Variants in ACCSL observed in about 807,000 individuals in gnomAD.
ACCSL encodes the protein probable inactive 1-aminocyclopropane-1-carboxylate synthase-like protein 2.
A neutral mutation model predicts 61.7 loss-of-function variants in ACCSL; 55 were observed. That is an observed-to-expected ratio of 0.89 (90% CI 0.72 to 1.12). ACCSL has a LOEUF of 1.12. ACCSL is among the 50% of genes most tolerant of loss of function. ACCSL has a pLI of 0.00. For synonymous variants in ACCSL, 258 were observed against 264.3 expected, an observed-to-expected ratio of 0.98 and a Z score of 0.23; for missense variants, 632 against 698.0, an observed-to-expected ratio of 0.91 and a Z score of 1.07.
chr11:43,969,906 CATCAGATCT>C, the ACCSL span, among the ~76,000 whole-genome samples: 1 of 152,130 alleles, frequency 6.6e-6, no homozygotes, highest in Non-Finnish European at 1.5e-5. Context: ...TCCAATTCTC[CATCAGATCT>C]CTCTCCCCTA....
chr11:44,044,186 A>G (rs2134759724), upstream of ACCSL, among the ~76,000 whole-genome samples: 1 of 152,274 alleles, frequency 6.6e-6, no homozygotes, highest in South Asian at 2.1e-4. Context: ...GTATTATGTG[A>G]CATGAAGCCA....
intron 9 of ACCSL, among the ~76,000 whole-genome samples, chr11:44,055,497 C>G (rs1322713106): frequency 6.6e-6 from 1 of 152,158 alleles, no homozygotes; most frequent in Non-Finnish European, 1.5e-5. Context: ...AATTTGAGGT[C>G]AAGGTAGAAA....
intron 1 of ACCSL, among the ~76,000 whole-genome samples, chr11:44,049,380 A>C (rs1345409091): frequency 7.3e-6 from 1 of 137,248 alleles, no homozygotes; most frequent in Non-Finnish European, 1.5e-5. Context: ...AGATCGCGCC[A>C]CTGCACTCCA....
intron 2 of ACCSL, 45 bp from the exon 3 acceptor site, chr11:44,050,507 T>C: frequency 6.3e-7 from 1 of 1,587,748 alleles, no homozygotes. Context: ...TGAGGCCTCT[T>C]GAACTTCCCT....
the ACCSL span, among the ~76,000 whole-genome samples, chr11:43,988,369 C>T: frequency 2.0e-4 from 30 of 152,136 alleles, no homozygotes; most frequent in Non-Finnish European, 3.4e-4. Context: ...GATCAATAGG[C>T]GTTTTATTAC....
At chr11:44,037,871 G>GCATCCATC in the ACCSL span, among the ~76,000 whole-genome samples, 2,465 of 149,384 alleles carry the variant, frequency 0.017, 28 homozygotes, top group Middle Eastern at 0.059. Flanking sequence ...ATCCATCCAT[G>GCATCCATC]CATCCATCCA....
upstream of ACCSL, among the ~76,000 whole-genome samples, chr11:44,047,414 G>A (rs2134762264): frequency 6.6e-6 from 1 of 152,370 alleles, no homozygotes; most frequent in African/African-American, 2.4e-5. Flanking sequence ...TAAAGGGCCA[G>A]ACAGTTAATA....
In ACCSL at chr11:44,058,591, C is replaced by G. The variant is rs779697225; in HGVS notation, c.1516C>G (p.Arg506Gly). ...TGAAGAAGAACGGCTCCTCTATTGC[C>G]GCTTCCTGGACAACAAGCTATTGTT... ...TFEEERLLYC[R>G]FLDNKLLLSR... Residue 506 changes from arginine to glycine, a missense_variant, in exon 13 of 14, where the codon CGC becomes GGC. By Grantham distance (125) the Arg-to-Gly change is moderately radical. Coordinates refer to ENST00000378832, the MANE Select transcript of ACCSL (RefSeq NM_001031854.2). The G allele has an allele frequency of 6.2e-7, 1 of 1,614,082 alleles. No individual in the cohort carries two copies. Among genetic ancestry groups the G allele is most frequent in the Admixed American group, 1.7e-5 (1 of 60,012 alleles).
the ACCSL span, among the ~76,000 whole-genome samples, chr11:44,003,774 G>A: frequency 3.3e-5 from 5 of 152,146 alleles, no homozygotes; most frequent in East Asian, 1.9e-4. Flanking sequence ...CTGACTTTTC[G>A]CACACTCTGC....
the ACCSL span, among the ~76,000 whole-genome samples, chr11:43,935,710 C>T: frequency 1.8e-3 from 273 of 152,126 alleles, 2 homozygotes; most frequent in African/African-American, 6.4e-3. Flanking sequence ...TCAGGCTGGC[C>T]GGAAACTCCC....
At chr11:43,997,381 T>C in the ACCSL span, among the ~76,000 whole-genome samples, 3 of 152,154 alleles carry the variant, frequency 2.0e-5, no homozygotes, top group South Asian at 6.2e-4. Flanking sequence ...CGCGATCCTC[T>C]GGGGCTTCTG....
chr11:44,014,483 C>CAGAGAGAG, the ACCSL span, among the ~76,000 whole-genome samples: 52 of 128,932 alleles, frequency 4.0e-4, no homozygotes, highest in African/African-American at 1.1e-3. Flanking sequence ...GAGAGATAGC[C>CAGAGAGAG]AGAGAGAGAG....
chr11:43,939,097 AT>A, the ACCSL span, among the ~76,000 whole-genome samples: 4 of 152,288 alleles, frequency 2.6e-5, no homozygotes, highest in African/African-American at 7.2e-5. Flanking sequence ...TTCTTGTAAT[AT>A]TTTGCTAAAA....
chr11:43,959,880 G>T, the ACCSL span, among the ~76,000 whole-genome samples: 1 of 152,094 alleles, frequency 6.6e-6, no homozygotes, highest in Admixed American at 6.5e-5. Flanking sequence ...AGAAGCTCTG[G>T]GCTGGACTGT....
chr11:44,003,558 G>A, the ACCSL span, among the ~76,000 whole-genome samples: 35 of 151,510 alleles, frequency 2.3e-4, no homozygotes, highest in East Asian at 3.9e-4. Flanking sequence ...CAGGTGAATC[G>A]CTTGAACCCA....
At chr11:43,989,099 A>G in the ACCSL span, among the ~76,000 whole-genome samples, 1 of 152,136 alleles carries the variant, frequency 6.6e-6, no homozygotes, top group Non-Finnish European at 1.5e-5. Context: ...GGGGACTAAC[A>G]GTGGCGTTTA....
the ACCSL span, among the ~76,000 whole-genome samples, chr11:43,941,712 AC>A: frequency 1.3e-5 from 2 of 152,230 alleles, no homozygotes; most frequent in Non-Finnish European, 2.9e-5. Context: ...ATACTAGTGG[AC>A]CAGTTACTTA....
chr11:44,053,428 T>C lies in ACCSL; in HGVS notation c.971T>C (p.Val324Ala), dbSNP rs769659142. 1.9e-6 allele frequency: 3 copies of C among 1,614,054 alleles called. No homozygotes were observed. The highest frequency in any genetic ancestry group is 2.5e-6 in the Non-Finnish European group (3 of 1,180,038). ...TAGGGGAAAAAGGTCCGAGGCCTTGTGCTAATCAACCCTCAGAATCCTCTG... is the reference window on the plus strand; with the variant it reads ...TAGGGGAAAAAGGTCCGAGGCCTTGCGCTAATCAACCCTCAGAATCCTCTG... The part of the protein sequence containing the change: ...RLEGKKVRGL[V>A]LINPQNPLGD... Residue 324 changes from valine (V) to alanine (A), a missense_variant, in exon 8 of 14, where the codon GTG (valine) becomes GCG (alanine). Transcript: ENST00000378832.
At chr11:43,966,490 G>GA in the ACCSL span, among the ~76,000 whole-genome samples, 898 of 149,856 alleles carry the variant, frequency 6.0e-3, 8 homozygotes, top group African/African-American at 0.019. Context: ...TAAAAATAGT[G>GA]AAAAAAAAAC....
Sources: gnomAD v4.1 joint callset for allele counts (sites outside exome capture counted in the v4.1 genomes callset) on GRCh38, gnomAD v4.1.1 for gene constraint, MANE v1.5 for transcripts, NCBI Gene and HGNC (gene_info 2026-07-23, HGNC 2026-07-21) for gene names.